Variants in NOX4 observed in about 807,000 individuals in gnomAD.
The protein encoded by NOX4 is NADPH oxidase 4, also known as kidney oxidase-1.
A neutral mutation model predicts 87.6 loss-of-function variants in NOX4; 69 were observed. The ratio of observed to expected loss-of-function variants is 0.79; its 90% confidence interval spans 0.65 to 0.96. NOX4 has a LOEUF of 0.96. Among genes scored for constraint, NOX4 ranks in the 40% least tolerant of loss-of-function variants. The probability of loss-of-function intolerance (pLI) is 0.00; values close to 1 mark genes in which losing one functional copy is unlikely to be tolerated. For synonymous variants in NOX4, 275 were observed against 238.2 expected (o/e 1.15, Z -1.42); for missense variants, 680 against 681.5 (o/e 1.00, Z 0.02).
Position 89,403,481 on chromosome 11 carries a change from C to T in NOX4, c.630-939G>A, listed in dbSNP as rs535628068. Among the ~76,000 whole-genome samples, 15 of 152,270 alleles carry T rather than the reference C, an allele frequency of 9.9e-5. No individual in the cohort carries two copies. The South Asian group carries it at 1.5e-3, about 15-fold the overall frequency. On this transcript the variant is annotated intron_variant, in intron 8 of 17. Coordinates refer to ENST00000263317, the MANE Select transcript of NOX4 (RefSeq NM_016931.5). ...TTACAGTACATGCTTTTTAAATTATCTTTCATGCTCTCAAATACTTAATTT... is the reference window on the plus strand; with the variant it reads ...TTACAGTACATGCTTTTTAAATTATTTTTCATGCTCTCAAATACTTAATTT...
intron 2 of NOX4, among the ~76,000 whole-genome samples, chr11:89,459,207 C>T (rs930869009): frequency 1.6e-4 from 24 of 151,746 alleles, no homozygotes; most frequent in Admixed American, 3.3e-4. Context: ...AACCAAATAC[C>T]GAGAACATGT....
At chr11:89,452,550 AT>A (rs1945009762) in intron 2 of NOX4, among the ~76,000 whole-genome samples, 1 of 151,900 alleles carries the variant, frequency 6.6e-6, no homozygotes, top group East Asian at 1.9e-4. Context: ...TTTTTTTAAA[AT>A]TTTTATTTTA....
chr11:89,563,367 G>A, the NOX4 span, among the ~76,000 whole-genome samples: 1 of 152,068 alleles, frequency 6.6e-6, no homozygotes, highest in Non-Finnish European at 1.5e-5. Context: ...CAGGTGGTAG[G>A]GAGATGATTT....
intron 6 of NOX4, among the ~76,000 whole-genome samples, chr11:89,436,726 GT>G (rs1480891496): frequency 1.3e-5 from 2 of 151,818 alleles, no homozygotes; most frequent in Admixed American, 6.6e-5. Context: ...GTTTCTGAGG[GT>G]TTTTAAAATT....
chr11:89,363,418 T>C (rs1938684188), intron 12 of NOX4, among the ~76,000 whole-genome samples: 1 of 152,126 alleles, frequency 6.6e-6, no homozygotes, highest in South Asian at 2.1e-4. Context: ...GTACCTATCA[T>C]TTGTCACATA....
chr11:89,563,562 A>T, the NOX4 span, among the ~76,000 whole-genome samples: 1 of 152,240 alleles, frequency 6.6e-6, no homozygotes, highest in African/African-American at 2.4e-5. Flanking sequence ...TTGCAAAAAA[A>T]TACAGAAAAA....
chr11:89,520,518 A>T, the NOX4 span, among the ~76,000 whole-genome samples: 1 of 152,134 alleles, frequency 6.6e-6, no homozygotes, highest in Admixed American at 6.6e-5. Context: ...AGAACTTTTG[A>T]ATGTGGATCT....
chr11:89,583,317 C>A, the NOX4 span, among the ~76,000 whole-genome samples: 2 of 151,858 alleles, frequency 1.3e-5, no homozygotes. Context: ...TTATTTTTAA[C>A]ATTTCCAATG....
intron 2 of NOX4, among the ~76,000 whole-genome samples, chr11:89,474,440 C>T (rs1946079933): frequency 7.2e-6 from 1 of 139,810 alleles, no homozygotes; most frequent in Non-Finnish European, 1.5e-5. Context: ...ATATTCACTG[C>T]CGTATGATCT....
intron 9 of NOX4, 138 bp downstream of exon 9, chr11:89,402,188 G>A: frequency 2.9e-6 from 2 of 679,624 alleles, no homozygotes; most frequent in Non-Finnish European, 5.2e-6. Context: ...TGGAATAATA[G>A]GTACTAACTT....
chr11:89,377,504 A>G (rs1319047003), intron 11 of NOX4, among the ~76,000 whole-genome samples: 4 of 152,182 alleles, frequency 2.6e-5, no homozygotes, highest in African/African-American at 7.2e-5. Flanking sequence ...TATTTCTTCA[A>G]TATGGCATTG....
At chr11:89,388,386 A>G (rs553896099) in intron 11 of NOX4, among the ~76,000 whole-genome samples, 117 of 152,142 alleles carry the variant, frequency 7.7e-4, no homozygotes, top group African/African-American at 2.7e-3. Context: ...TAAGTGCCTC[A>G]CCATGGAGGT....
At chr11:89,366,700 G>GAAAAAAA (rs11314993) in intron 12 of NOX4, among the ~76,000 whole-genome samples, 2 of 113,114 alleles carry the variant, frequency 1.8e-5, no homozygotes, top group Non-Finnish European at 2.0e-5. Context: ...AAACTGAAAA[G>GAAAAAAA]AAAAAAAAAA....
chr11:89,518,392 C>T, the NOX4 span, among the ~76,000 whole-genome samples: 1 of 151,480 alleles, frequency 6.6e-6, no homozygotes, highest in African/African-American at 2.4e-5. Flanking sequence ...GACAAAGATG[C>T]TACTTGCTTA....
intron 11 of NOX4, among the ~76,000 whole-genome samples, chr11:89,393,483 C>T (rs1941265677): frequency 6.6e-6 from 1 of 151,972 alleles, no homozygotes; most frequent in Admixed American, 6.6e-5. Context: ...ATTTTCAGTA[C>T]CTGAGACTAC....
At chr11:89,533,067 T>C in the NOX4 span, among the ~76,000 whole-genome samples, 1 of 152,146 alleles carries the variant, frequency 6.6e-6, no homozygotes, top group Non-Finnish European at 1.5e-5. Flanking sequence ...AATGAACTAA[T>C]ACAGACAATT....
upstream of NOX4, among the ~76,000 whole-genome samples, chr11:89,496,080 C>T (rs2135507656): frequency 6.6e-6 from 1 of 152,204 alleles, no homozygotes; most frequent in South Asian, 2.1e-4. Context: ...AAAGGCCCAC[C>T]AGGGAGCCAG....
the NOX4 span, among the ~76,000 whole-genome samples, chr11:89,571,312 T>A: frequency 6.7e-6 from 1 of 148,716 alleles, no homozygotes; most frequent in African/African-American, 2.5e-5. Flanking sequence ...ATTTATACTT[T>A]TTTTTTTTTT....
intron 8 of NOX4, among the ~76,000 whole-genome samples, chr11:89,406,147 T>C (rs538733010): frequency 2.6e-5 from 4 of 152,240 alleles, no homozygotes; most frequent in South Asian, 4.2e-4. Flanking sequence ...TAGTGCAGAA[T>C]TTCTTAGAAT....
Sources: gnomAD v4.1 joint callset for allele counts (sites outside exome capture counted in the v4.1 genomes callset) on GRCh38, gnomAD v4.1.1 for gene constraint, MANE v1.5 for transcripts, NCBI Gene and HGNC (gene_info 2026-07-23, HGNC 2026-07-21) for gene names.